Variants in NPAS4 observed in about 807,000 individuals in gnomAD.
The protein encoded by NPAS4 is neuronal PAS domain protein 4, also known as neuronal PAS domain-containing protein 4.
A neutral mutation model predicts 64.0 loss-of-function variants in NPAS4; 10 were observed. The ratio of observed to expected loss-of-function variants is 0.16; its 90% CI spans 0.10 to 0.26. NPAS4 has a LOEUF of 0.26. Ranked by LOEUF, NPAS4 falls within the 10% of genes least tolerant of loss-of-function variation. The pLI is 1.00. For synonymous variants in NPAS4, 441 were observed against 411.7 expected (o/e 1.07, Z -0.86); for missense variants, 886 against 992.6 (o/e 0.89, Z 1.44).
Position 66,422,550 on chromosome 11 carries a change from A to G in NPAS4, c.427A>G (p.Thr143Ala), listed in dbSNP as rs377470432. Residue 143 changes from threonine to alanine, a missense_variant, in exon 3 of 8, where the codon ACT becomes GCT. This residue lies in a region of NPAS4 where 820 missense variants were observed against 855.5 expected (regional missense o/e 0.96). Coordinates refer to ENST00000311034, the MANE Select transcript of NPAS4 (RefSeq NM_178864.4). ...ACTCACCCTGCCCTCTGCCCTGGAC[A>G]CTGGTAAGGACTCCCTTCTCCCTTC... The part of the protein sequence containing the change: ...QQLTLPSALD[T>A]DRLFRCRFNT... The G allele has an allele frequency of 3.0e-5, 48 of 1,612,110 alleles. No individual in the cohort carries two copies. The highest frequency in any genetic ancestry group is 2.3e-5 in the Non-Finnish European group (27 of 1,178,344).
chr11:66,424,328 C>T lies in NPAS4; in HGVS notation c.1438C>T (p.Pro480Ser). 6.2e-7 allele frequency: 1 copy of T among 1,614,190 alleles called. No homozygotes were observed. The highest frequency in any genetic ancestry group is 8.5e-7 in the Non-Finnish European group (1 of 1,180,032). Residue 480 changes from proline to serine, a missense_variant, in exon 7 of 8, where the codon CCA (proline) becomes TCA (serine). By Grantham distance (74) the Pro-to-Ser change is moderately conservative. This residue lies in a region of NPAS4 where 820 missense variants were observed against 855.5 expected (regional missense o/e 0.96). Coordinates refer to ENST00000311034, the MANE Select transcript of NPAS4 (RefSeq NM_178864.4). ...GCCCAGCAGTGCAACCTTCCCAGAT[C>T]CACTAACTAGCCCACTGCAAGGCCA... ...LTPSSATFPD[P>S]LTSPLQGQLT... is the part of the protein sequence containing the mutation.
chr11:66,413,755 T>C, the NPAS4 span, among the ~76,000 whole-genome samples: 1 of 152,178 alleles, frequency 6.6e-6, no homozygotes, highest in Non-Finnish European at 1.5e-5. Flanking sequence ...ATGCACCTGC[T>C]TGGGGAGGCC....
At chr11:66,419,810 G>C (rs1029777370), upstream of NPAS4, among the ~76,000 whole-genome samples, 17 of 152,234 alleles carry the variant, frequency 1.1e-4, no homozygotes, top group Non-Finnish European at 4.4e-5. Context: ...TGGAGAGGCA[G>C]AGCCAGGAGC....
rs767409542 is a variant in NPAS4 at position 66,423,719 on chromosome 11, C to T, written c.944+6C>T. 3.1e-6 allele frequency: 5 copies of T among 1,614,046 alleles called. No homozygotes were observed. The highest frequency in any genetic ancestry group is 4.2e-6 in the Non-Finnish European group (5 of 1,179,972). On this transcript the variant is annotated splice_donor_region_variant and intron_variant, in intron 6 of 7. Coordinates refer to ENST00000311034, the MANE Select transcript of NPAS4 (RefSeq NM_178864.4). ...GCCAATAACTACCCAATCAGGTAAG[C>T]CACAAGCCAGGGGACTAGGGGGCAG...
At chr11:66,425,859 A>G (rs1487591388) in intron 7 of NPAS4, 102 bp from the exon 8 acceptor site, 2 of 879,042 alleles carry the variant, frequency 2.3e-6, no homozygotes, top group African/African-American at 1.6e-5. Flanking sequence ...CATTGAGCCA[A>G]TATCTTTGAA....
chr11:66,424,112 C>T lies in NPAS4; in HGVS notation c.1222C>T (p.Pro408Ser), dbSNP rs748947595. The T allele has an allele frequency of 1.9e-6, 3 of 1,613,974 alleles. No homozygotes were observed. The highest frequency in any genetic ancestry group is 1.7e-5 in the Admixed American group (1 of 60,008). ...DFSYLTFPSG[P>S]EPSLQAELSK... ...CAGTTACCTGACATTCCCTTCTGGG[C>T]CTGAGCCTTCTCTCCAAGCAGAACT... Residue 408 changes from proline (P) to serine (S), a missense_variant, in exon 7 of 8, where the codon CCT becomes TCT. Transcript: ENST00000311034.
chr11:66,415,520 G>C, the NPAS4 span, among the ~76,000 whole-genome samples: 54 of 152,318 alleles, frequency 3.5e-4, no homozygotes, highest in Non-Finnish European at 6.5e-4. Flanking sequence ...GAACCATATG[G>C]TCTCTGTTGC....
the NPAS4 span, among the ~76,000 whole-genome samples, chr11:66,414,198 G>T: frequency 1.3e-5 from 2 of 152,206 alleles, no homozygotes; most frequent in Admixed American, 6.5e-5. Flanking sequence ...GAATTTGCCA[G>T]CTGGGAGTGG....
chr11:66,420,987 C>G, upstream of NPAS4: 1 of 564,064 alleles, frequency 1.8e-6, no homozygotes, highest in Non-Finnish European at 3.1e-6. Context: ...AAAACGAGCC[C>G]CCCACGCCTG....
rs1856805157 is a variant in NPAS4, at chr11:66,424,359, C to T, written c.1469C>T (p.Thr490Ile). 5 of 1,614,014 alleles carry T rather than the reference C, an allele frequency of 3.1e-6. No homozygotes were observed. The highest frequency in any genetic ancestry group is 3.4e-6 in the Non-Finnish European group (4 of 1,180,008). Reference sequence around the variant, plus strand: ...ACTAGCCCACTGCAAGGCCAGTTGACTGAAACCTCGGTCAGAAGCTATGAA... The same window carrying T: ...ACTAGCCCACTGCAAGGCCAGTTGATTGAAACCTCGGTCAGAAGCTATGAA... ...PLTSPLQGQL[T>I]ETSVRSYEDQ... The change falls in exon 7 of 8, where the codon ACT becomes ATT. Residue 490 changes from threonine to isoleucine, a missense_variant. Around this residue, in one of 3 missense-constraint regions of NPAS4, gnomAD observed 820 missense variants for 855.5 expected, o/e 0.96. Transcript: ENST00000311034.
intron 1 of NPAS4, among the ~76,000 whole-genome samples, 182 bp from the exon 2 acceptor site, chr11:66,421,938 G>A (rs1259372469): frequency 2.0e-5 from 3 of 152,246 alleles, no homozygotes; most frequent in Non-Finnish European, 4.4e-5. Flanking sequence ...GGGCTTGTGG[G>A]CTATGGAGAT....
chr11:66,420,710 C>T (rs1856728247), upstream of NPAS4, among the ~76,000 whole-genome samples: 1 of 152,182 alleles, frequency 6.6e-6, no homozygotes, highest in South Asian at 2.1e-4. Context: ...CCTGTCGCTT[C>T]CCTCAACTGA....
Position 66,423,603 on chromosome 11 carries a change from A to G in NPAS4, c.834A>G (p.Ala278=). The change falls in exon 6 of 8, where the codon GCA becomes GCG. Residue 278 remains alanine, a synonymous_variant. Coordinates refer to ENST00000311034, the MANE Select transcript of NPAS4 (RefSeq NM_178864.4). The part of the protein sequence containing the change: ...RLLAESGDIQ[A]EMVVRLQAKT... ...TGGCTGAGAGTGGAGATATTCAGGC[A>G]GAGATGGTGGTGAGGCTACAGGCCA... 6.2e-7 allele frequency: 1 copy of G among 1,614,126 alleles called. No homozygotes were observed. The highest frequency in any genetic ancestry group is 8.5e-7 in the Non-Finnish European group (1 of 1,179,996).
chr11:66,421,564 C>A (rs1321126389), intron 1 of NPAS4, among the ~76,000 whole-genome samples: 1 of 152,244 alleles, frequency 6.6e-6, no homozygotes, highest in African/African-American at 2.4e-5. Flanking sequence ...AGAGCCTGGA[C>A]GGTGTCCCTA....
chr11:66,415,068 G>A, the NPAS4 span, among the ~76,000 whole-genome samples: 5 of 152,090 alleles, frequency 3.3e-5, no homozygotes, highest in Admixed American at 1.3e-4. Context: ...CTGACAATTC[G>A]TTAATCACCA....
upstream of NPAS4, among the ~76,000 whole-genome samples, chr11:66,419,494 C>T (rs1005606287): frequency 6.6e-6 from 1 of 152,118 alleles, no homozygotes; most frequent in Non-Finnish European, 1.5e-5. Context: ...CCCAGTCCCA[C>T]CCTCCAATTT....
chr11:66,413,081 A>T, the NPAS4 span, among the ~76,000 whole-genome samples: 1 of 152,250 alleles, frequency 6.6e-6, no homozygotes, highest in African/African-American at 2.4e-5. Context: ...AGTGGACAAG[A>T]GACAATAAAT....
At chr11:66,416,948 C>T (rs1243085382), upstream of NPAS4, 4 of 152,182 alleles carry the variant, frequency 2.6e-5, no homozygotes, top group Non-Finnish European at 5.9e-5. Context: ...AGGTAATCCT[C>T]CTCCAAATCT....
At chr11:66,423,017 C>G in intron 4 of NPAS4, 76 bp downstream of exon 4, 1 of 1,547,292 alleles carries the variant, frequency 6.5e-7, no homozygotes, top group South Asian at 1.2e-5. Context: ...GAGTCAGGGG[C>G]AGGGAGGATG....
Sources: allele counts gnomAD v4.1 joint callset (sites outside exome capture counted in the v4.1 genomes callset), GRCh38; gene constraint gnomAD v4.1.1; regional missense constraint gnomAD v4.1.1; transcripts MANE v1.5; gene names NCBI Gene and HGNC (gene_info 2026-07-23, HGNC 2026-07-21).